The following TJP1 variants were observed in gnomAD, a reference collection of about 807,000 sequenced individuals.
TJP1 encodes tight junction protein 1, also known as tight junction protein ZO-1.
Under a neutral mutation model 194.2 loss-of-function variants are expected in TJP1, and 43 were observed. The ratio of observed to expected loss-of-function variants is 0.22; its 90% confidence interval spans 0.17 to 0.29. The LOEUF (loss-of-function observed/expected upper bound fraction) is 0.29, where lower values mean the gene tolerates loss of function less well. TJP1 is among the 10% of genes least tolerant of loss of function. The pLI is 1.00. For synonymous variants in TJP1, 801 were observed against 779.0 expected, an observed-to-expected ratio of 1.03 and a Z score of -0.47; for missense variants, 1,971 against 2,185.7, an observed-to-expected ratio of 0.90 and a Z score of 1.96.
chr15:29,865,197 C>T (rs927422723), intron 2 of TJP1, among the ~76,000 whole-genome samples: 11 of 152,192 alleles, frequency 7.2e-5, no homozygotes, highest in African/African-American at 2.4e-4. Flanking sequence ...CAAATCAACA[C>T]CAATCCTTCT....
intron 1 of TJP1, 37 bp downstream of exon 1, chr15:29,821,965 G>A (rs1480152452): frequency 2.4e-6 from 3 of 1,233,754 alleles, no homozygotes; most frequent in Non-Finnish European, 3.0e-6. Context: ...GGCGACGGTC[G>A]GCCCGGTCTG....
At chr15:29,964,653 T>C (rs926750646) in intron 1 of TJP1, among the ~76,000 whole-genome samples, 15 of 152,182 alleles carry the variant, frequency 9.9e-5, no homozygotes, top group African/African-American at 3.6e-4. Context: ...ATGTGATCTG[T>C]TACAGCAGCC....
rs534703091 is a variant in TJP1 at position 29,729,159 on chromosome 15, T to G, written c.2018-1140A>C. ...GTCATCTACAGATAACTTAGCCAGGTGCGGTGGCAGGTGCCTGTAATCCCA... is the reference window on the plus strand; with the variant it reads ...GTCATCTACAGATAACTTAGCCAGGGGCGGTGGCAGGTGCCTGTAATCCCA... On this transcript the variant is annotated intron_variant, in intron 15 of 27. Coordinates refer to ENST00000614355, the MANE Select transcript of TJP1 (RefSeq NM_001330239.4). 4 of 152,190 alleles carry G rather than the reference T, an allele frequency of 2.6e-5. No individual in the cohort carries two copies. The East Asian group carries it at 7.8e-4, about 30-fold the overall frequency. 9.4% of individuals were successfully genotyped at this position (152,190 alleles called of 1,614,324 possible). A position where few individuals can be genotyped will look rare whatever the true frequency, so the allele number is the denominator to read the frequency against.
intron 1 of TJP1, among the ~76,000 whole-genome samples, chr15:29,959,279 C>G (rs1352875147): frequency 1.3e-5 from 2 of 151,694 alleles, no homozygotes; most frequent in African/African-American, 4.8e-5. Context: ...TGTGAGCTAC[C>G]ACGCCTGGCC....
At chr15:29,704,624 C>T (rs1194689981) in intron 26 of TJP1, among the ~76,000 whole-genome samples, 4 of 152,236 alleles carry the variant, frequency 2.6e-5, no homozygotes, top group African/African-American at 9.6e-5. Flanking sequence ...GTGTATTTCA[C>T]ATTTCCAGCA....
chr15:29,948,911 A>C (rs978708972), intron 2 of TJP1, among the ~76,000 whole-genome samples: 3 of 151,624 alleles, frequency 2.0e-5, no homozygotes, highest in African/African-American at 4.9e-5. Flanking sequence ...TCTACTACTA[A>C]TAACACCTCC....
intron 8 of TJP1, among the ~76,000 whole-genome samples, chr15:29,748,448 G>T (rs2044960986): frequency 6.6e-6 from 1 of 151,324 alleles, no homozygotes; most frequent in Non-Finnish European, 1.5e-5. Flanking sequence ...ATGTGACTAT[G>T]AAGTCAAGAT....
At chr15:29,745,913 G>A (rs1187014773) in intron 8 of TJP1, among the ~76,000 whole-genome samples, 3 of 152,208 alleles carry the variant, frequency 2.0e-5, no homozygotes, top group Non-Finnish European at 4.4e-5. Flanking sequence ...CCAAATGTCA[G>A]TACGAGTCTG....
intron 2 of TJP1, among the ~76,000 whole-genome samples, chr15:29,894,540 A>T (rs2053416937): frequency 6.6e-6 from 1 of 152,220 alleles, no homozygotes; most frequent in Non-Finnish European, 1.5e-5. Context: ...GTGCGGCTAT[A>T]ACAAAATCCC....
At chr15:29,787,418 T>A (rs1300781411) in intron 2 of TJP1, among the ~76,000 whole-genome samples, 2 of 152,206 alleles carry the variant, frequency 1.3e-5, no homozygotes, top group African/African-American at 2.4e-5. Flanking sequence ...GTCAAAAGTA[T>A]AAGCAACAAA....
chr15:29,901,020 A>T (rs1309705691), intron 2 of TJP1, among the ~76,000 whole-genome samples: 1 of 152,166 alleles, frequency 6.6e-6, no homozygotes, highest in Non-Finnish European at 1.5e-5. Flanking sequence ...GTGTCTTCTC[A>T]AGAGGAAAAT....
chr15:29,837,147 GTTA>G (rs1297866686), intron 2 of TJP1, among the ~76,000 whole-genome samples: 1 of 152,150 alleles, frequency 6.6e-6, no homozygotes, highest in African/African-American at 2.4e-5. Flanking sequence ...TAACATAAAT[GTTA>G]TTATTTAAAC....
intron 6 of TJP1, among the ~76,000 whole-genome samples, chr15:29,761,987 C>T (rs1047547868): frequency 3.2e-4 from 48 of 152,120 alleles, no homozygotes; most frequent in Non-Finnish European, 6.2e-4. Context: ...CATCCCCTAA[C>T]TCCTTCTTTG....
chr15:29,907,299 C>T (rs2152213864), intron 2 of TJP1, among the ~76,000 whole-genome samples: 1 of 152,100 alleles, frequency 6.6e-6, no homozygotes, highest in South Asian at 2.1e-4. Context: ...GCCCCAGCTA[C>T]TCGGGAAGCT....
intron 2 of TJP1, among the ~76,000 whole-genome samples, chr15:29,920,870 A>C (rs1007082591): frequency 6.6e-6 from 1 of 152,196 alleles, no homozygotes; most frequent in African/African-American, 2.4e-5. Flanking sequence ...ATAATATCTA[A>C]CAGTTTAAAA....
chr15:29,878,771 T>C (rs575678538), intron 2 of TJP1, among the ~76,000 whole-genome samples: 1 of 152,100 alleles, frequency 6.6e-6, no homozygotes, highest in Admixed American at 6.6e-5. Context: ...GGGAAGCCGA[T>C]GTGGGAGGAG....
intron 1 of TJP1, among the ~76,000 whole-genome samples, chr15:29,814,306 CAAT>C (rs2049744126): frequency 1.3e-5 from 2 of 152,234 alleles, no homozygotes; most frequent in South Asian, 2.1e-4. Context: ...GTTTCTTCAA[CAAT>C]GAGTTACACA....
chr15:29,710,977 C>T lies in TJP1; in HGVS notation c.4226G>A (p.Gly1409Asp), dbSNP rs369695570. ...TTTCTCGCCAAATGATCTATCCACA[C>T]CATCAGCTTCAGGAGGCTTTCCCCT... ...SSKGKPPEADGVDRSFGEKRY... is the reference protein window; with the variant it reads ...SSKGKPPEADDVDRSFGEKRY... Residue 1409 changes from glycine (G) to aspartate (D), a missense_variant, in exon 24 of 28, where the codon GGT (glycine) becomes GAT (aspartate). Physicochemically the swap from Gly to Asp is moderately conservative, Grantham distance 94 (BLOSUM62 -1). Transcript: ENST00000614355. 3 of 1,608,576 alleles carry T rather than the reference C, an allele frequency of 1.9e-6. No individual in the cohort carries two copies. The highest frequency in any genetic ancestry group is 2.5e-6 in the Non-Finnish European group (3 of 1,176,558).
At chr15:29,780,940 AG>A (rs1313322686) in intron 2 of TJP1, among the ~76,000 whole-genome samples, 1 of 152,194 alleles carries the variant, frequency 6.6e-6, no homozygotes, top group Non-Finnish European at 1.5e-5. Context: ...AAAGAACTAT[AG>A]GAACAAGAGC....
Sources: gnomAD v4.1 joint callset for allele counts (sites outside exome capture counted in the v4.1 genomes callset) on GRCh38, gnomAD v4.1.1 for gene constraint, MANE v1.5 for transcripts, NCBI Gene and HGNC (gene_info 2026-07-23, HGNC 2026-07-21) for gene names.